TANGO2: variants seen among roughly 807,000 people sequenced by gnomAD.
The protein encoded by TANGO2 is transport and Golgi organization protein 2 homolog.
TANGO2 carries 26 observed loss-of-function variants against 39.1 expected under a neutral mutation model. That is an observed-to-expected ratio of 0.67 (90% CI 0.49 to 0.92). The LOEUF (loss-of-function observed/expected upper bound fraction) is 0.92. Ranked by LOEUF, TANGO2 falls within the 40% of genes least tolerant of loss-of-function variation. The pLI, the probability that TANGO2 is intolerant of heterozygous loss-of-function variation, is 0.00. For synonymous variants in TANGO2, 131 were observed against 144.5 expected, an observed-to-expected ratio of 0.91 and a Z score of 0.67; for missense variants, 326 against 360.1, an observed-to-expected ratio of 0.91 and a Z score of 0.77.
At position 20,043,585 on chromosome 22, in the gene TANGO2, G is replaced by A. The variant is rs938836079; in HGVS notation, c.145+142G>A. ...GGTGGAACTGATGGGGCTCGTGGTC[G>A]GGGCCAGCCCCAGCACCGGGCATTG... On this transcript the variant is annotated intron_variant, in intron 3 of 8. Coordinates refer to ENST00000327374, the MANE Select transcript of TANGO2 (RefSeq NM_152906.7). 8.2e-5 allele frequency: 50 copies of A among 611,672 alleles called. No individual in the cohort carries two copies. In the Admixed American group the frequency reaches 1.4e-3, roughly 17 times the overall value. 37.9% of individuals were successfully genotyped at this position (611,672 alleles called of 1,614,324 possible). A position where few individuals can be genotyped will look rare whatever the true frequency, so the allele number is the denominator to read the frequency against.
At chr22:20,046,933 C>T (rs2045332185) in intron 3 of TANGO2, among the ~76,000 whole-genome samples, 1 of 152,170 alleles carries the variant, frequency 6.6e-6, no homozygotes, top group African/African-American at 2.4e-5. Context: ...TAGAGTTCTA[C>T]AGGGGACCTG....
rs146889212 is a variant in TANGO2 at position 20,048,605 on chromosome 22, T to G, written c.146-3860T>G. Reference sequence around the variant, plus strand: ...ACCCATTCTGGATATGAGTCCTTTGTGCCTACTCATTTCCTTAATGATAGC... The same window carrying G: ...ACCCATTCTGGATATGAGTCCTTTGGGCCTACTCATTTCCTTAATGATAGC... On this transcript the variant is annotated intron_variant, in intron 3 of 8. Coordinates refer to ENST00000327374, the MANE Select transcript of TANGO2 (RefSeq NM_152906.7). Among the ~76,000 whole-genome samples, 15 of 152,302 alleles carry G rather than the reference T, an allele frequency of 9.8e-5. No homozygotes were observed. The East Asian group carries it at 2.9e-3, about 29-fold the overall frequency.
In TANGO2 at chr22:20,022,366, C is replaced by T. The variant is rs376385758; in HGVS notation, c.-40+1120C>T. 1.3e-4 allele frequency among the ~76,000 whole-genome samples: 20 copies of T among 152,310 alleles called. No individual in the cohort carries two copies. The East Asian group carries it at 1.4e-3, about 10-fold the overall frequency. On this transcript the variant is annotated intron_variant, in intron 1 of 8. Coordinates refer to ENST00000327374, the MANE Select transcript of TANGO2 (RefSeq NM_152906.7). ...GGGTGACCATGTTGTTAGATGGACA[C>T]AGCAGAGCCTCTGTTCCCACAGGAT...
chr22:20,054,881 T>C (rs916804937), intron 5 of TANGO2: 2 of 152,262 alleles, frequency 1.3e-5, no homozygotes, highest in Non-Finnish European at 2.9e-5. Flanking sequence ...CTGTAGGTCC[T>C]TACACAGAAA....
At chr22:20,035,915 C>G (rs191734728) in intron 1 of TANGO2, among the ~76,000 whole-genome samples, 82 of 152,282 alleles carry the variant, frequency 5.4e-4, no homozygotes, top group African/African-American at 2.0e-3. Flanking sequence ...ACAGGATATA[C>G]TAGGCCACCC....
intron 2 of TANGO2, among the ~76,000 whole-genome samples, chr22:20,042,962 C>T (rs555721998): frequency 2.6e-5 from 4 of 152,226 alleles, no homozygotes; most frequent in Non-Finnish European, 4.4e-5. Flanking sequence ...CAAGAGCCCA[C>T]GGGTTTGTTG....
chr22:20,025,656 G>A (rs1337423665), intron 1 of TANGO2, among the ~76,000 whole-genome samples: 1 of 152,200 alleles, frequency 6.6e-6, no homozygotes, highest in Non-Finnish European at 1.5e-5. Flanking sequence ...AGACCAAGCA[G>A]AGTGCTATCT....
rs1363321183 is a variant in TANGO2 at position 20,064,676 on chromosome 22, C to T, written c.*14C>T. The stretch of plus-strand genomic sequence containing the variant: ...CTGCAGAGCTAACCCCACCTCTGGG[C>T]CTGGCCAGTGGGCTCCTGGGGGGCC... On this transcript the variant is annotated 3_prime_UTR_variant, in exon 9 of 9. Coordinates refer to ENST00000327374, the MANE Select transcript of TANGO2 (RefSeq NM_152906.7). The T allele has an allele frequency of 6.2e-7, 1 of 1,613,582 alleles. No individual in the cohort carries two copies. The highest frequency in any genetic ancestry group is 1.7e-5 in the Admixed American group (1 of 59,966).
intron 1 of TANGO2, among the ~76,000 whole-genome samples, chr22:20,025,460 G>A (rs925041429): frequency 2.0e-5 from 3 of 152,012 alleles, no homozygotes; most frequent in South Asian, 2.1e-4. Context: ...GGGTGTGCAC[G>A]CTTTCAGTGT....
chr22:20,064,606 G>T lies in TANGO2; in HGVS notation c.775G>T (p.Asp259Tyr), dbSNP rs774894592. 1.2e-6 allele frequency: 2 copies of T among 1,614,154 alleles called. No homozygotes were observed. The highest frequency in any genetic ancestry group is 1.7e-6 in the Non-Finnish European group (2 of 1,179,994). ...GACCTTCACTGAGCGTAGCATGATG[G>T]ACAAGGACCTCTCCCACTGGGAGAC... ...HVTFTERSMM[D>Y]KDLSHWETRT... Residue 259 changes from aspartate (D) to tyrosine (Y), a missense_variant, in exon 9 of 9, where the codon GAC (aspartate) becomes TAC (tyrosine). Coordinates refer to ENST00000327374, the MANE Select transcript of TANGO2 (RefSeq NM_152906.7).
chr22:20,037,239 G>T (rs999082768), intron 2 of TANGO2: 3 of 968,156 alleles, frequency 3.1e-6, no homozygotes, highest in Non-Finnish European at 4.4e-6. Context: ...AGAAGTCAAA[G>T]TGGCGGCCAG....
chr22:20,059,088 T>C (rs1396228188), intron 6 of TANGO2, among the ~76,000 whole-genome samples: 1 of 152,144 alleles, frequency 6.6e-6, no homozygotes, highest in Non-Finnish European at 1.5e-5. Flanking sequence ...GAAGGCTGGT[T>C]CTCTGTCCAG....
chr22:20,056,980 T>C (rs1406448698), intron 6 of TANGO2: 1 of 455,718 alleles, frequency 2.2e-6, no homozygotes, highest in South Asian at 1.5e-5. Flanking sequence ...CACCCCTCTG[T>C]GAGGGGGCTC....
At chr22:20,062,430 A>T (rs1471932595) in intron 7 of TANGO2, among the ~76,000 whole-genome samples, 2 of 147,574 alleles carry the variant, frequency 1.4e-5, no homozygotes, top group African/African-American at 2.5e-5. Context: ...ACCATCTCCC[A>T]CTCCTCCCCC....
chr22:20,029,313 G>T (rs953325185), intron 1 of TANGO2, among the ~76,000 whole-genome samples: 1 of 152,220 alleles, frequency 6.6e-6, no homozygotes, highest in Non-Finnish European at 1.5e-5. Context: ...GACGGTGCAC[G>T]CTGGGAGAGT....
chr22:20,022,949 G>C (rs2039999812), intron 1 of TANGO2, among the ~76,000 whole-genome samples: 1 of 152,224 alleles, frequency 6.6e-6, no homozygotes, highest in Admixed American at 6.5e-5. Flanking sequence ...GGCAGAGCCT[G>C]GCCTTTGTTG....
At chr22:20,058,878 C>A (rs2047864378) in intron 6 of TANGO2, among the ~76,000 whole-genome samples, 1 of 151,970 alleles carries the variant, frequency 6.6e-6, no homozygotes, top group African/African-American at 2.4e-5. Flanking sequence ...TATGAGGGGA[C>A]CCGAGAACAT....
In TANGO2 at chr22:20,039,230, G is replaced by A. The variant is rs897806348; in HGVS notation, c.56+2376G>A. On this transcript the variant is annotated intron_variant, in intron 2 of 8. Coordinates refer to ENST00000327374, the MANE Select transcript of TANGO2 (RefSeq NM_152906.7). ...ATTACATGCGTGAGCCACCATGCCC[G>A]GCCTCGGCCACTGTATTTGGTAATT... Among the ~76,000 whole-genome samples the A allele has an allele frequency of 1.7e-4, 26 of 151,174 alleles. No individual in the cohort carries two copies. The South Asian group carries it at 2.8e-3, about 16-fold the overall frequency.
At chr22:20,046,459 A>G (rs1303846989) in intron 3 of TANGO2, among the ~76,000 whole-genome samples, 1 of 121,544 alleles carries the variant, frequency 8.2e-6, no homozygotes. Context: ...AAGGCTGGGT[A>G]ATTTTTTTTT....
Sources: gnomAD v4.1 joint callset for allele counts (sites outside exome capture counted in the v4.1 genomes callset) on GRCh38, gnomAD v4.1.1 for gene constraint, MANE v1.5 for transcripts, NCBI Gene and HGNC (gene_info 2026-07-23, HGNC 2026-07-21) for gene names.